MAST2: variants seen among roughly 807,000 people sequenced by gnomAD.
The protein encoded by MAST2 is microtubule associated serine/threonine kinase 2.
MAST2 carries 70 observed loss-of-function variants against 147.4 expected under a neutral mutation model. The observed-to-expected ratio is 0.47, with a 90% CI of 0.39 to 0.58. The LOEUF (loss-of-function observed/expected upper bound fraction) is 0.58, where lower values mean the gene tolerates loss of function less well. Among genes scored for constraint, MAST2 ranks in the 20% least tolerant of loss-of-function variants. The pLI, the probability that MAST2 is intolerant of heterozygous loss-of-function variation, is 0.00. For missense variants in MAST2, 2,080 were observed against 2,302.3 expected (o/e 0.90, Z 1.98); for synonymous variants, 869 against 896.8 (o/e 0.97, Z 0.55).
At chr1:45,910,261 A>G (rs1651475003) in intron 4 of MAST2, among the ~76,000 whole-genome samples, 1 of 151,950 alleles carries the variant, frequency 6.6e-6, no homozygotes, top group African/African-American at 2.4e-5. Flanking sequence ...TAAAAATAAG[A>G]CGTAGTTATA....
chr1:45,823,782 T>C (rs943525524), intron 1 of MAST2, among the ~76,000 whole-genome samples: 11 of 152,178 alleles, frequency 7.2e-5, no homozygotes, highest in Admixed American at 2.0e-4. Flanking sequence ...TTTATTATAA[T>C]ACTCCTGATT....
chr1:45,903,498 A>G (rs1049605350), intron 4 of MAST2, among the ~76,000 whole-genome samples: 6 of 151,976 alleles, frequency 3.9e-5, no homozygotes, highest in African/African-American at 9.7e-5. Flanking sequence ...TTGTGTCTCT[A>G]TTTTCATTTA....
chr1:45,819,167 C>T (rs1179170957), intron 1 of MAST2, among the ~76,000 whole-genome samples: 4 of 151,146 alleles, frequency 2.6e-5, no homozygotes, highest in South Asian at 2.1e-4. Context: ...GCAGGAGAAT[C>T]GCTTGAACCC....
At chr1:46,029,048 T>G in intron 18 of MAST2, 115 bp downstream of exon 18, 1 of 1,174,542 alleles carries the variant, frequency 8.5e-7, no homozygotes, top group Non-Finnish European at 1.2e-6. Flanking sequence ...CATGTGTGTT[T>G]GTGATGTCTG....
Position 46,033,860 on chromosome 1 carries a change from G to A in MAST2, c.3596G>A (p.Gly1199Glu). The change falls in exon 27 of 29, where the codon GGG becomes GAG. Residue 1199 changes from glycine (G) to glutamate (E), a missense_variant. Transcript: ENST00000361297. ...TPLENTSIKVGPARKGSYKAK... is the reference protein window; with the variant it reads ...TPLENTSIKVEPARKGSYKAK... Reference sequence around the variant, plus strand: ...CTGGAGAACACATCCATTAAAGTGGGGCCAGCTCGGAAGGGCAGCTACAAG... The same window carrying A: ...CTGGAGAACACATCCATTAAAGTGGAGCCAGCTCGGAAGGGCAGCTACAAG... 1 of 1,614,184 alleles carries A rather than the reference G, an allele frequency of 6.2e-7. No individual in the cohort carries two copies. The highest frequency in any genetic ancestry group is 8.5e-7 in the Non-Finnish European group (1 of 1,180,026).
Position 46,023,962 on chromosome 1 carries a change from G to A in MAST2, c.1762G>A (p.Val588Met). 3 of 1,614,234 alleles carry A rather than the reference G, an allele frequency of 1.9e-6. No homozygotes were observed. Among genetic ancestry groups the A allele is most frequent in the South Asian group, 2.2e-5 (2 of 91,086 alleles). ...SFDTKRHLCM[V>M]MEYVEGGDCA... The stretch of plus-strand genomic sequence containing the variant: ...TGATACCAAGCGCCACTTGTGCATG[G>A]TGATGGAGTACGTTGAAGGTACTGA... The change falls in exon 15 of 29, where the codon GTG (valine) becomes ATG (methionine). Residue 588 changes from valine (V) to methionine (M), a missense_variant. Physicochemically the swap from Val to Met is conservative, Grantham distance 21. This residue lies in a region of MAST2 where 209 missense variants were observed against 309.5 expected (regional missense o/e 0.68). Coordinates refer to ENST00000361297, the MANE Select transcript of MAST2 (RefSeq NM_015112.3). The surrounding 1 kb of genome is among the most constrained non-coding windows in gnomAD (Gnocchi z 4.9).
Position 46,035,938 on chromosome 1 carries a change from G to C in MAST2, c.5269G>C (p.Val1757Leu). The change falls in exon 29 of 29, where the codon GTT (valine) becomes CTT (leucine). Residue 1757 changes from valine to leucine, a missense_variant. This residue lies in a region of MAST2 where 1,278 missense variants were observed against 1,304.2 expected (regional missense o/e 0.98). Coordinates refer to ENST00000361297, the MANE Select transcript of MAST2 (RefSeq NM_015112.3). The surrounding 1 kb of genome is among the most constrained non-coding windows in gnomAD (Gnocchi z 5.5). Reference protein sequence around the residue: ...PDASGDRRQDVPCRGCPLTQK... With the variant: ...PDASGDRRQDLPCRGCPLTQK... ...TGCCTCAGGTGACAGAAGGCAGGAC[G>C]TTCCATGCCGAGGCTGCCCCCTCAC... The C allele has an allele frequency of 6.2e-7, 1 of 1,614,034 alleles. No homozygotes were observed. The highest frequency in any genetic ancestry group is 8.5e-7 in the Non-Finnish European group (1 of 1,180,036).
At chr1:45,810,509 G>T (rs990956380) in intron 1 of MAST2, among the ~76,000 whole-genome samples, 48 of 152,228 alleles carry the variant, frequency 3.2e-4, no homozygotes, top group African/African-American at 1.2e-3. Context: ...AGGGTCTTTA[G>T]TGTGATATAA....
chr1:45,918,527 T>C (rs1374220503), intron 4 of MAST2, among the ~76,000 whole-genome samples: 2 of 152,166 alleles, frequency 1.3e-5, no homozygotes, highest in South Asian at 4.1e-4. Context: ...CAACTCTGCC[T>C]CCCAGGTTTA....
chr1:46,020,473 A>C (rs2149282935), intron 11 of MAST2, among the ~76,000 whole-genome samples: 2 of 151,826 alleles, frequency 1.3e-5, no homozygotes, highest in Admixed American at 1.3e-4. Flanking sequence ...GGCCACTTGG[A>C]GACACCAGAA....
chr1:45,875,407 C>T (rs1030296981), intron 3 of MAST2, among the ~76,000 whole-genome samples: 11 of 152,150 alleles, frequency 7.2e-5, no homozygotes, highest in Non-Finnish European at 1.6e-4. Flanking sequence ...GATCGCGCCA[C>T]TGCACTCCAG....
chr1:45,942,792 A>C (rs1056724013), intron 4 of MAST2, among the ~76,000 whole-genome samples: 1 of 152,248 alleles, frequency 6.6e-6, no homozygotes, highest in Admixed American at 6.5e-5. Context: ...TTCCTGGTAC[A>C]TGAGATAGAA....
At position 46,034,521 on chromosome 1, in the gene MAST2, T is replaced by C. The variant is rs745519882; in HGVS notation, c.3869-17T>C. 2.5e-6 allele frequency: 4 copies of C among 1,606,778 alleles called. No homozygotes were observed. In the South Asian group the frequency reaches 3.3e-5, roughly 13 times the overall value. ...TGCTCTGCTTTTGTCTGTCTGTCTGTCTGTCTCTGTACAAAGTGGGAGGGA... is the reference window on the plus strand; with the variant it reads ...TGCTCTGCTTTTGTCTGTCTGTCTGCCTGTCTCTGTACAAAGTGGGAGGGA... On this transcript the variant is annotated splice_polypyrimidine_tract_variant and intron_variant, in intron 28 of 28. Transcript: ENST00000361297.
chr1:46,009,328 A>G (rs921472972), intron 9 of MAST2, among the ~76,000 whole-genome samples: 2 of 152,208 alleles, frequency 1.3e-5, no homozygotes, highest in Non-Finnish European at 2.9e-5. Context: ...TGCTGGGATT[A>G]CAGGCATGAG....
At chr1:45,848,938 A>G (rs550975133) in intron 3 of MAST2, among the ~76,000 whole-genome samples, 3 of 152,176 alleles carry the variant, frequency 2.0e-5, no homozygotes, top group South Asian at 2.1e-4. Flanking sequence ...TCCACCAACA[A>G]CAGCCCAGCT....
chr1:45,972,376 C>CTT (rs1643947929), intron 5 of MAST2, among the ~76,000 whole-genome samples: 2 of 152,228 alleles, frequency 1.3e-5, no homozygotes, highest in Non-Finnish European at 2.9e-5. Flanking sequence ...AAGTTTACTC[C>CTT]ATACCCAGAA....
intron 2 of MAST2, among the ~76,000 whole-genome samples, chr1:45,825,905 C>T (rs948384551): frequency 2.0e-5 from 3 of 151,872 alleles, no homozygotes; most frequent in Admixed American, 1.3e-4. Context: ...GGCAAAACCC[C>T]GTCTCTACTA....
intron 9 of MAST2, among the ~76,000 whole-genome samples, chr1:46,009,366 A>G (rs1338546765): frequency 6.6e-6 from 1 of 152,118 alleles, no homozygotes; most frequent in Non-Finnish European, 1.5e-5. Flanking sequence ...CCCCATTTGC[A>G]TGTCCTTTTC....
rs200868679 is a variant in MAST2 at position 46,034,907 on chromosome 1, C to G, written c.4238C>G (p.Ala1413Gly). Residue 1413 changes from alanine to glycine, a missense_variant, in exon 29 of 29, where the codon GCA becomes GGA. By Grantham distance (60) the Ala-to-Gly change is moderately conservative (BLOSUM62 0). Coordinates refer to ENST00000361297, the MANE Select transcript of MAST2 (RefSeq NM_015112.3). ...GTGCAGTCGGCTGAGAAACTGGCAG[C>G]AGCACTTGCCGCCTCTGAGAAGAAG... is the stretch of plus-strand genomic sequence containing the variant. ...KRVQSAEKLA[A>G]ALAASEKKLA... The G allele has an allele frequency of 1.5e-3, 2,497 of 1,614,176 alleles. 4 individuals are homozygous for G. Among genetic ancestry groups the G allele is most frequent in the Non-Finnish European group, 1.8e-3 (2,172 of 1,180,044 alleles).
Sources: gnomAD v4.1 joint callset for allele counts (sites outside exome capture counted in the v4.1 genomes callset) on GRCh38, gnomAD v4.1.1 for gene constraint, gnomAD v4.1.1 regional missense constraint, Gnocchi (gnomAD v3.1) non-coding constraint, MANE v1.5 for transcripts, NCBI Gene and HGNC (gene_info 2026-07-23, HGNC 2026-07-21) for gene names.